Variants in FGFR1 observed in about 807,000 individuals in gnomAD.
FGFR1 encodes the protein FGFR1/PLAG1 fusion.
In FGFR1, 18 loss-of-function variants were observed where a neutral mutation model predicts 93.7. The ratio of observed to expected loss-of-function variants is 0.19; its 90% confidence interval spans 0.13 to 0.28. The LOEUF (loss-of-function observed/expected upper bound fraction) is 0.28, where lower values mean the gene tolerates loss of function less well. FGFR1 is among the 10% of genes least tolerant of loss of function. The pLI, the probability that FGFR1 is intolerant of heterozygous loss-of-function variation, is 1.00. For synonymous variants in FGFR1, 448 were observed against 429.3 expected, an observed-to-expected ratio of 1.04 and a Z score of -0.54; for missense variants, 731 against 1,080.4, an observed-to-expected ratio of 0.68 and a Z score of 4.53.
chr8:38,465,498 C>T (rs995329314), intron 1 of FGFR1: 13 of 230,540 alleles, frequency 5.6e-5, no homozygotes, highest in Non-Finnish European at 1.0e-4. Context: ...GGAGTCAGGC[C>T]CCAGCAGCCT....
intron 16 of FGFR1, 52 bp from the exon 17 acceptor site, chr8:38,414,075 A>G (rs1815389658): frequency 6.2e-7 from 1 of 1,613,684 alleles, no homozygotes; most frequent in African/African-American, 1.3e-5. Flanking sequence ...GATACTCTCT[A>G]GTCTAGCCCC....
At chr8:38,423,311 AG>A in intron 7 of FGFR1, 33 of 351,810 alleles carry the variant, frequency 9.4e-5, no homozygotes, top group East Asian at 2.9e-4. Flanking sequence ...TTTCCCTTTT[AG>A]TTTTTTTTTT....
Position 38,414,036 on chromosome 8 carries a change from TG to T in FGFR1, c.2187-14del. 1 of 1,613,896 alleles carries T rather than the reference TG, an allele frequency of 6.2e-7. No homozygotes were observed. Among genetic ancestry groups the T allele is most frequent in the Non-Finnish European group, 8.5e-7 (1 of 1,179,878 alleles). On this transcript the variant is annotated splice_polypyrimidine_tract_variant and intron_variant, in intron 16 of 17. Transcript: ENST00000447712. ...CATCATCATGTACCTGCGGCAGGACTGTAAGGTCAGGGACGTCTCCTGGAGA... is the reference window on the plus strand; with the variant it reads ...CATCATCATGTACCTGCGGCAGGACTTAAGGTCAGGGACGTCTCCTGGAGA...
At chr8:38,425,900 G>A in intron 6 of FGFR1, 1 of 611,142 alleles carries the variant, frequency 1.6e-6, no homozygotes, top group Admixed American at 2.4e-5. Context: ...ATTTCACAGT[G>A]ACAACCAGCT....
At chr8:38,425,183 C>T (rs1820307309) in intron 6 of FGFR1, among the ~76,000 whole-genome samples, 1 of 151,892 alleles carries the variant, frequency 6.6e-6, no homozygotes, top group African/African-American at 2.4e-5. Flanking sequence ...CTCTGTCACC[C>T]ATGCTGGAGC....
chr8:38,413,273 G>A lies in FGFR1; in HGVS notation c.*355C>T, dbSNP rs948434877. On this transcript the variant is annotated 3_prime_UTR_variant, in exon 18 of 18. Transcript: ENST00000447712. The surrounding 1 kb of genome is among the most constrained non-coding windows in gnomAD (Gnocchi z 4.2). ...GGGTGAAGGCAAAACAGACCAAACC[G>A]ACAGGAGAAAGCTCAGGAAGCTCTC... 4 of 376,480 alleles carry A rather than the reference G, an allele frequency of 1.1e-5. No individual in the cohort carries two copies. The highest frequency in any genetic ancestry group is 8.6e-5 in the Admixed American group (2 of 23,364). 23.3% of individuals were successfully genotyped at this position (376,480 alleles called of 1,614,324 possible). A position where few individuals can be genotyped will look rare whatever the true frequency, so the allele number is the denominator to read the frequency against.
intron 2 of FGFR1, among the ~76,000 whole-genome samples, chr8:38,452,767 G>C (rs969466182): frequency 1.3e-5 from 2 of 152,122 alleles, no homozygotes; most frequent in Non-Finnish European, 2.9e-5. Context: ...ATGAGGTCAG[G>C]AGACCGAGAC....
chr8:38,425,904 A>G (rs950105445), intron 6 of FGFR1: 3 of 619,356 alleles, frequency 4.8e-6, no homozygotes, highest in Non-Finnish European at 8.7e-6. Context: ...CACAGTGACA[A>G]CCAGCTTTGA....
At position 38,444,556 on chromosome 8, in the gene FGFR1, A is replaced by AT. The variant is rs562700623; in HGVS notation, c.91+12799dup. 8.7e-3 allele frequency among the ~76,000 whole-genome samples: 1,127 copies of AT among 129,186 alleles called. 10 individuals are homozygous for AT. Among genetic ancestry groups the AT allele is most frequent in the African/African-American group, 0.018 (611 of 34,564 alleles). 84.8% of individuals were successfully genotyped at this position (129,186 alleles called of 152,430 possible). A position where few individuals can be genotyped will look rare whatever the true frequency, so the allele number is the denominator to read the frequency against. On this transcript the variant is annotated intron_variant, in intron 2 of 17. Transcript: ENST00000447712. Reference sequence around the variant, plus strand: ...GGCACTTGCCACCACGCGTGGCTAAATTTTTTTTTTTTTTTTGTAGAGACA... The same window carrying AT: ...GGCACTTGCCACCACGCGTGGCTAAATTTTTTTTTTTTTTTTTGTAGAGACA...
chr8:38,439,301 TCTGTGCCGCTCTGC>T (rs1826533935), intron 2 of FGFR1, among the ~76,000 whole-genome samples: 1 of 152,050 alleles, frequency 6.6e-6, no homozygotes, highest in Admixed American at 6.6e-5. Context: ...CCACTCCAGG[TCTGTGCCGCTCTGC>T]CTGGGCCACA....
chr8:38,416,144 G>T, intron 12 of FGFR1, 84 bp from the exon 13 acceptor site: 2 of 1,217,810 alleles, frequency 1.6e-6, no homozygotes, highest in Non-Finnish European at 2.3e-6. Context: ...ACCCCCAGCA[G>T]CACACCCCGG....
At chr8:38,443,796 G>A (rs1397383734) in intron 2 of FGFR1, among the ~76,000 whole-genome samples, 1 of 152,084 alleles carries the variant, frequency 6.6e-6, no homozygotes, top group Non-Finnish European at 1.5e-5. Context: ...GCTCACGCCT[G>A]TAAACCCAGC....
intron 1 of FGFR1, among the ~76,000 whole-genome samples, chr8:38,464,166 A>C (rs1471981803): frequency 6.6e-6 from 1 of 152,076 alleles, no homozygotes; most frequent in Non-Finnish European, 1.5e-5. Flanking sequence ...AACACAAAAA[A>C]TTAGCCGGAC....
intron 1 of FGFR1, among the ~76,000 whole-genome samples, chr8:38,458,679 G>C (rs770233338): frequency 1.3e-5 from 2 of 152,192 alleles, no homozygotes; most frequent in African/African-American, 4.8e-5. Context: ...GAGATAACTA[G>C]TTAGTAGCTG....
At chr8:38,440,170 T>C (rs1211858017) in intron 2 of FGFR1, 4 of 702,908 alleles carry the variant, frequency 5.7e-6, no homozygotes, top group Admixed American at 2.3e-5. Context: ...GGGGCAATTG[T>C]GGGTGGGGGA....
chr8:38,430,507 T>TGG (rs1339223889), intron 2 of FGFR1: 1 of 153,944 alleles, frequency 6.5e-6, no homozygotes, highest in African/African-American at 2.4e-5. Flanking sequence ...TCGGAGAGGG[T>TGG]GGGGGTCTGG....
chr8:38,435,022 C>T (rs898439415), intron 2 of FGFR1: 3 of 152,422 alleles, frequency 2.0e-5, no homozygotes, highest in African/African-American at 7.2e-5. Flanking sequence ...AGGCATGTGC[C>T]ACCACGCCTG....
intron 1 of FGFR1, among the ~76,000 whole-genome samples, chr8:38,464,012 T>TATAAAAAATTAGCA (rs1302959358): frequency 6.6e-6 from 1 of 151,358 alleles, no homozygotes; most frequent in Non-Finnish European, 1.5e-5. Flanking sequence ...GTAAGAGACA[T>TATAAAAAATTAGCA]ATAAAAAATT....
rs2150680340 is a variant in FGFR1, at chr8:38,418,377, C to G, written c.1285-4G>C. ...ATGCACTGGAGTCAGCAGACACCTG[C>G]AAGGAAGAGTGGGGTCACCCTAGAG... On this transcript the variant is annotated splice_region_variant and splice_polypyrimidine_tract_variant and intron_variant, in intron 9 of 17. Transcript: ENST00000447712. 1 of 1,613,514 alleles carries G rather than the reference C, an allele frequency of 6.2e-7. No individual in the cohort carries two copies. The highest frequency in any genetic ancestry group is 8.5e-7 in the Non-Finnish European group (1 of 1,179,700).
Sources: gnomAD v4.1 joint callset for allele counts (sites outside exome capture counted in the v4.1 genomes callset) on GRCh38, gnomAD v4.1.1 for gene constraint, Gnocchi (gnomAD v3.1) non-coding constraint, MANE v1.5 for transcripts, NCBI Gene and HGNC (gene_info 2026-07-23, HGNC 2026-07-21) for gene names.